Variants in DCDC1 observed in about 807,000 individuals in gnomAD.
The protein encoded by DCDC1 is doublecortin domain-containing protein 1.
Under a neutral mutation model 178.3 loss-of-function variants are expected in DCDC1, and 200 were observed. That is an observed-to-expected ratio of 1.12 (90% CI 1.00 to 1.26). DCDC1 has a LOEUF of 1.26. Among genes scored for constraint, DCDC1 ranks in the 50% most tolerant of loss-of-function variants. The probability of loss-of-function intolerance (pLI) is 0.00; values close to 1 mark genes in which losing one functional copy is unlikely to be tolerated. For missense variants in DCDC1, 1,983 were observed against 1,749.2 expected (o/e 1.13, Z -2.38); for synonymous variants, 690 against 604.8 (o/e 1.14, Z -2.07).
chr11:31,280,292 A>G (rs1329565244), intron 7 of DCDC1, among the ~76,000 whole-genome samples: 1 of 152,276 alleles, frequency 6.6e-6, no homozygotes, highest in East Asian at 1.9e-4. Flanking sequence ...ACAGTGAAGG[A>G]ATTTCCCCAG....
chr11:30,924,098 C>T (rs1173772305), intron 23 of DCDC1, among the ~76,000 whole-genome samples: 1 of 152,192 alleles, frequency 6.6e-6, no homozygotes, highest in East Asian at 1.9e-4. Context: ...CCTGCTTTGC[C>T]ATGGTGGCCT....
intron 10 of DCDC1, among the ~76,000 whole-genome samples, chr11:31,132,371 A>G (rs1435563181): frequency 6.6e-6 from 1 of 152,258 alleles, no homozygotes; most frequent in Non-Finnish European, 1.5e-5. Context: ...TACACATGAA[A>G]TAACTCATAT....
intron 20 of DCDC1, among the ~76,000 whole-genome samples, chr11:30,989,018 T>C (rs1950826721): frequency 6.6e-6 from 1 of 152,184 alleles, no homozygotes; most frequent in Non-Finnish European, 1.5e-5. Context: ...CTGATATTTC[T>C]ATGGCATTCC....
chr11:31,356,783 C>T (rs1467409282), intron 1 of DCDC1, among the ~76,000 whole-genome samples: 176 of 150,220 alleles, frequency 1.2e-3, no homozygotes, highest in Non-Finnish European at 1.7e-3. Context: ...GAAATACAAA[C>T]TACCATCAGA....
At chr11:31,071,113 T>A (rs1414293162) in intron 18 of DCDC1, among the ~76,000 whole-genome samples, 1 of 152,186 alleles carries the variant, frequency 6.6e-6, no homozygotes, top group Non-Finnish European at 1.5e-5. Flanking sequence ...CATGTTTATG[T>A]ACAACGTAAA....
At chr11:30,927,668 C>G (rs1946671301) in intron 22 of DCDC1, among the ~76,000 whole-genome samples, 1 of 152,086 alleles carries the variant, frequency 6.6e-6, no homozygotes, top group African/African-American at 2.4e-5. Flanking sequence ...GTACCAACAA[C>G]AACAAAAGTT....
intron 25 of DCDC1, 84 bp from the exon 26 acceptor site, chr11:30,917,112 A>G: frequency 7.6e-7 from 1 of 1,309,620 alleles, no homozygotes. Flanking sequence ...GTCTGATCAT[A>G]TTCCACAGGA....
At chr11:31,269,507 T>C (rs1283535930) in intron 7 of DCDC1, among the ~76,000 whole-genome samples, 4 of 151,888 alleles carry the variant, frequency 2.6e-5, no homozygotes, top group Admixed American at 6.6e-5. Context: ...GTCTTCAGCC[T>C]TCCAAGCAGG....
At chr11:30,928,746 ATATT>A (rs1187166232) in intron 22 of DCDC1, among the ~76,000 whole-genome samples, 2 of 147,628 alleles carry the variant, frequency 1.4e-5, no homozygotes, top group East Asian at 2.1e-4. Context: ...TATTACATAA[ATATT>A]TATACTATGA....
chr11:31,205,946 ATATC>A (rs1335619808), intron 9 of DCDC1, among the ~76,000 whole-genome samples: 1 of 152,180 alleles, frequency 6.6e-6, no homozygotes, highest in Non-Finnish European at 1.5e-5. Context: ...TACCTCATAA[ATATC>A]TATACCTACT....
At chr11:31,055,222 CAT>C (rs1487743406) in intron 20 of DCDC1, among the ~76,000 whole-genome samples, 1 of 152,044 alleles carries the variant, frequency 6.6e-6, no homozygotes, top group Non-Finnish European at 1.5e-5. Context: ...GGCCAACAAA[CAT>C]ATGAAAAAAC....
At chr11:31,298,728 C>A (rs1046189836) in intron 6 of DCDC1, among the ~76,000 whole-genome samples, 1 of 152,132 alleles carries the variant, frequency 6.6e-6, no homozygotes, top group Non-Finnish European at 1.5e-5. Context: ...CAGTCTACTT[C>A]AAAAAAGCCA....
intron 20 of DCDC1, among the ~76,000 whole-genome samples, chr11:31,010,765 T>C (rs555348768): frequency 6.6e-6 from 1 of 152,332 alleles, no homozygotes; most frequent in Middle Eastern, 3.4e-3. Flanking sequence ...CATTTTTAAG[T>C]TTTAAATAAT....
At chr11:30,907,467 T>C (rs1237438306) in intron 29 of DCDC1, among the ~76,000 whole-genome samples, 1 of 152,178 alleles carries the variant, frequency 6.6e-6, no homozygotes, top group East Asian at 1.9e-4. Context: ...AAAGGCCATG[T>C]GACTTGCTTT....
chr11:30,865,383 C>A (rs1369077315), intron 38 of DCDC1, 51 bp from the exon 39 acceptor site: 1 of 152,552 alleles, frequency 6.6e-6, no homozygotes, highest in Non-Finnish European at 1.5e-5. Flanking sequence ...TACATGAACA[C>A]ACGCACACAC....
At chr11:31,256,458 T>C (rs570712034) in intron 8 of DCDC1, among the ~76,000 whole-genome samples, 1 of 152,284 alleles carries the variant, frequency 6.6e-6, no homozygotes, top group Non-Finnish European at 1.5e-5. Flanking sequence ...CTCAGGAAAG[T>C]GCTATACTTA....
intron 9 of DCDC1, among the ~76,000 whole-genome samples, chr11:31,182,106 C>A (rs1368980243): frequency 1.3e-5 from 2 of 152,208 alleles, no homozygotes; most frequent in South Asian, 4.1e-4. Context: ...AAAGACCAAA[C>A]CTACGTTTGA....
intron 20 of DCDC1, among the ~76,000 whole-genome samples, chr11:30,975,556 A>C (rs1475158081): frequency 6.6e-6 from 1 of 152,058 alleles, no homozygotes; most frequent in African/African-American, 2.4e-5. Flanking sequence ...AATTGGTAGT[A>C]TTTCTATATA....
chr11:30,884,937 G>C (rs767768636), intron 36 of DCDC1, among the ~76,000 whole-genome samples: 6 of 152,022 alleles, frequency 3.9e-5, no homozygotes, highest in Non-Finnish European at 7.4e-5. Context: ...ATGTTGAACT[G>C]TAATTCCAAA....
Sources: allele counts gnomAD v4.1 joint callset (sites outside exome capture counted in the v4.1 genomes callset), GRCh38; gene constraint gnomAD v4.1.1; transcripts MANE v1.5; gene names NCBI Gene and HGNC (gene_info 2026-07-23, HGNC 2026-07-21).